GRID1: variants seen among roughly 807,000 people sequenced by gnomAD.
The protein encoded by GRID1 is glutamate ionotropic receptor delta type subunit 1, also known as glutamate receptor ionotropic, delta-1.
GRID1 carries 28 observed loss-of-function variants against 98.0 expected under a neutral mutation model. The ratio of observed to expected loss-of-function variants is 0.29; its 90% confidence interval spans 0.21 to 0.39. GRID1 has a LOEUF of 0.39. Among genes scored for constraint, GRID1 ranks in the 10% least tolerant of loss-of-function variants. The pLI, the probability that GRID1 is intolerant of heterozygous loss-of-function variation, is 1.00. For missense variants in GRID1, 1,111 were observed against 1,340.5 expected, an observed-to-expected ratio of 0.83 and a Z score of 2.67; for synonymous variants, 553 against 538.5, an observed-to-expected ratio of 1.03 and a Z score of -0.37.
At chr10:86,232,025 G>A (rs1188480452) in intron 2 of GRID1, among the ~76,000 whole-genome samples, 3 of 152,040 alleles carry the variant, frequency 2.0e-5, no homozygotes, top group Non-Finnish European at 4.4e-5. Context: ...CCCAGAGACT[G>A]GGGTACCCTC....
Position 86,366,439 on chromosome 10 carries a change from AG to A in GRID1, c.-48del. The A allele has an allele frequency of 7.3e-7, 1 of 1,369,458 alleles. No individual in the cohort carries two copies. Among genetic ancestry groups the A allele is most frequent in the Non-Finnish European group, 9.7e-7 (1 of 1,025,854 alleles). The allele number at this position is 1,369,458 out of a possible 1,614,324, so 84.8% of individuals were successfully genotyped here. On this transcript the variant is annotated 5_prime_UTR_variant, in exon 1 of 16. Transcript: ENST00000327946. This position sits in a 1 kb window ranked among gnomAD's most constrained non-coding sequence, Gnocchi z 4.1. Reference sequence around the variant, plus strand: ...TCCACCCGGGCCCGGGGCGAGGCCGAGGGCAGCGCGAAGCGGGGAGGCGCTG... The same window carrying A: ...TCCACCCGGGCCCGGGGCGAGGCCGAGGCAGCGCGAAGCGGGGAGGCGCTG...
At chr10:86,117,521 C>T (rs775490666) in intron 4 of GRID1, among the ~76,000 whole-genome samples, 64 of 151,706 alleles carry the variant, frequency 4.2e-4, no homozygotes, top group Non-Finnish European at 8.2e-4. Flanking sequence ...ACCACCACTA[C>T]CATCACTATC....
At chr10:86,351,220 C>T (rs1292877313) in intron 2 of GRID1, among the ~76,000 whole-genome samples, 3 of 152,236 alleles carry the variant, frequency 2.0e-5, no homozygotes, top group African/African-American at 4.8e-5. Flanking sequence ...GGACCCCAGC[C>T]GACTCCGGCA....
chr10:86,148,802 G>T (rs1238811869), intron 3 of GRID1, among the ~76,000 whole-genome samples: 1 of 152,068 alleles, frequency 6.6e-6, no homozygotes, highest in African/African-American at 2.4e-5. Context: ...TTAGGAAAAG[G>T]CACGGAGAAG....
Position 85,815,284 on chromosome 10 carries a change from T to A in GRID1, c.1233+39212A>T, listed in dbSNP as rs184938036. The stretch of plus-strand genomic sequence containing the variant: ...ACATCTTTTTAAAAATCTGCAATAA[T>A]ATCTCATTTAATGAAAGACACTGAA... On this transcript the variant is annotated intron_variant, in intron 8 of 15. Coordinates refer to ENST00000327946, the MANE Select transcript of GRID1 (RefSeq NM_017551.3). Among the ~76,000 whole-genome samples the A allele has an allele frequency of 2.7e-4, 41 of 152,156 alleles. 1 individual carries two copies. In the Middle Eastern group the frequency reaches 0.017, roughly 63 times the overall value.
intron 9 of GRID1, 113 bp from the exon 10 acceptor site, chr10:85,728,165 T>G (rs1841783398): frequency 3.7e-6 from 3 of 817,090 alleles, no homozygotes; most frequent in African/African-American, 1.7e-5. Flanking sequence ...TTCCCCAATT[T>G]AGGACTTCAG....
chr10:85,724,556 T>A lies in GRID1; in HGVS notation c.1654A>T (p.Ile552Phe). The change falls in exon 11 of 16, where the codon ATC (isoleucine) becomes TTC (phenylalanine). Residue 552 changes from isoleucine to phenylalanine, a missense_variant. By Grantham distance (21) the Ile-to-Phe change is conservative. Around this residue, in one of 3 missense-constraint regions of GRID1, gnomAD observed 762 missense variants for 869.1 expected, o/e 0.88. Transcript: ENST00000327946. ...GILIKKPEEK[I>F]SIFSLFAPFD... ...GGAGCAAAGAGGGAGAAGATGCTGA[T>A]TTTCTCCTCGGGCTTCTTAATTAGA... 1 of 1,613,698 alleles carries A rather than the reference T, an allele frequency of 6.2e-7. No individual in the cohort carries two copies. Among genetic ancestry groups the A allele is most frequent in the South Asian group, 1.1e-5 (1 of 91,080 alleles).
intron 2 of GRID1, among the ~76,000 whole-genome samples, chr10:86,267,079 C>G (rs75266556): frequency 2.6e-5 from 4 of 152,178 alleles, no homozygotes; most frequent in Non-Finnish European, 5.9e-5. Flanking sequence ...ATTCCCACCC[C>G]GGGAAAGTGC....
At chr10:86,228,997 G>C (rs375824492) in intron 2 of GRID1, among the ~76,000 whole-genome samples, 34 of 152,304 alleles carry the variant, frequency 2.2e-4, no homozygotes, top group African/African-American at 7.5e-4. Context: ...TGGGTGTGGA[G>C]GCAGTGGGTA....
At chr10:86,357,580 G>A (rs544161030) in intron 2 of GRID1, among the ~76,000 whole-genome samples, 186 of 152,348 alleles carry the variant, frequency 1.2e-3, no homozygotes, top group African/African-American at 4.3e-3. Context: ...ATATGTGCAC[G>A]TGTGTGTGCT....
chr10:85,934,306 C>T (rs986699786), intron 4 of GRID1, among the ~76,000 whole-genome samples: 1 of 152,036 alleles, frequency 6.6e-6, no homozygotes, highest in African/African-American at 2.4e-5. Flanking sequence ...AAAACATCTC[C>T]TTGCCCTCAA....
intron 4 of GRID1, among the ~76,000 whole-genome samples, chr10:86,076,562 CCA>C (rs1211925150): frequency 6.6e-6 from 1 of 152,160 alleles, no homozygotes; most frequent in Non-Finnish European, 1.5e-5. Context: ...GCTGGCAAGT[CCA>C]CAGTCTGTGA....
At chr10:86,234,125 C>A (rs1169766139) in intron 2 of GRID1, among the ~76,000 whole-genome samples, 1 of 152,154 alleles carries the variant, frequency 6.6e-6, no homozygotes, top group African/African-American at 2.4e-5. Flanking sequence ...GCCCACACTT[C>A]TAGGAAAACT....
intron 14 of GRID1, among the ~76,000 whole-genome samples, chr10:85,618,771 T>C (rs539400851): frequency 6.6e-6 from 1 of 151,840 alleles, no homozygotes; most frequent in South Asian, 2.1e-4. Flanking sequence ...TGCTTGGAGA[T>C]CCAGCAGCCA....
intron 3 of GRID1, among the ~76,000 whole-genome samples, chr10:86,141,430 A>G (rs1435919306): frequency 1.3e-5 from 2 of 152,168 alleles, no homozygotes; most frequent in African/African-American, 2.4e-5. Flanking sequence ...AAACACCAGC[A>G]CTGGTATCAG....
intron 3 of GRID1, among the ~76,000 whole-genome samples, chr10:86,194,216 G>A (rs552262206): frequency 2.6e-4 from 40 of 152,176 alleles, no homozygotes; most frequent in African/African-American, 8.9e-4. Flanking sequence ...AGTACTTAGA[G>A]ATACATGCAT....
chr10:86,148,550 T>C (rs1357263206), intron 3 of GRID1, among the ~76,000 whole-genome samples: 1 of 152,202 alleles, frequency 6.6e-6, no homozygotes, highest in African/African-American at 2.4e-5. Context: ...ATTGTATAAA[T>C]GTTGACTATA....
rs939729056 is a variant in GRID1, at chr10:86,204,487, C to T, written c.520+1877G>A. ...CGAGAGCGTGTAACCAAGCTGCCAGCTCTGTAGGACAGGTGGGGCTCAGGG... is the reference window on the plus strand; with the variant it reads ...CGAGAGCGTGTAACCAAGCTGCCAGTTCTGTAGGACAGGTGGGGCTCAGGG... On this transcript the variant is annotated intron_variant, in intron 3 of 15. Transcript: ENST00000327946. 1.7e-4 allele frequency among the ~76,000 whole-genome samples: 26 copies of T among 152,234 alleles called. 1 individual carries two copies.
chr10:86,019,481 C>T (rs899018565), intron 4 of GRID1, among the ~76,000 whole-genome samples: 3 of 151,426 alleles, frequency 2.0e-5, no homozygotes, highest in Admixed American at 6.5e-5. Flanking sequence ...CTGCCCATGA[C>T]CCCCCTCCAT....
Sources: allele counts gnomAD v4.1 joint callset (sites outside exome capture counted in the v4.1 genomes callset), GRCh38; gene constraint gnomAD v4.1.1; regional missense constraint gnomAD v4.1.1; non-coding constraint Gnocchi (gnomAD v3.1); transcripts MANE v1.5; gene names NCBI Gene and HGNC (gene_info 2026-07-23, HGNC 2026-07-21).